The following WWTR1 variants were observed in gnomAD, a reference collection of about 807,000 sequenced individuals.
WWTR1 encodes WW domain containing transcription regulator 1.
WWTR1 carries 13 observed loss-of-function variants against 40.1 expected under a neutral mutation model. That is an observed-to-expected ratio of 0.32 (90% confidence interval 0.21 to 0.52). WWTR1 has a LOEUF of 0.52. Among genes scored for constraint, WWTR1 ranks in the 20% least tolerant of loss-of-function variants. The pLI, the probability that WWTR1 is intolerant of heterozygous loss-of-function variation, is 0.97. For synonymous variants in WWTR1, 230 were observed against 210.1 expected (o/e 1.09, Z -0.82); for missense variants, 436 against 523.1 (o/e 0.83, Z 1.63).
At position 149,527,841 on chromosome 3, in the gene WWTR1, G is replaced by A; in HGVS notation, c.900C>T (p.Leu300=). Residue 300 remains leucine (L), a synonymous_variant, in exon 5 of 7, where the codon CTC becomes CTT. Transcript: ENST00000360632. ...SITNNSSDPF[L]NGGPYHSREQ... is the part of the protein sequence containing the mutation. ...GCCCCCAAATATTAACTTACCCATT[G>A]AGGAAAGGATCTGAGCTATTATTAG... The A allele has an allele frequency of 6.2e-7, 1 of 1,614,028 alleles. No individual in the cohort carries two copies. The highest frequency in any genetic ancestry group is 8.5e-7 in the Non-Finnish European group (1 of 1,180,012).
intron 2 of WWTR1, among the ~76,000 whole-genome samples, chr3:149,615,130 G>A (rs530957826): frequency 5.3e-4 from 80 of 152,314 alleles, no homozygotes; most frequent in African/African-American, 1.6e-3. Context: ...CCAGCATGTG[G>A]CATGCTCCTT....
chr3:149,569,114 C>T (rs559940425), intron 3 of WWTR1, among the ~76,000 whole-genome samples: 180 of 152,242 alleles, frequency 1.2e-3, no homozygotes, highest in Non-Finnish European at 2.0e-3. Flanking sequence ...GAAGTTTCTC[C>T]TGGGAGAGGT....
chr3:149,563,726 C>A (rs889263346), intron 3 of WWTR1, among the ~76,000 whole-genome samples: 1 of 152,066 alleles, frequency 6.6e-6, no homozygotes, highest in African/African-American at 2.4e-5. Context: ...ACTGTGCTAA[C>A]GTACACAATT....
At chr3:149,615,903 C>T (rs1739948738) in intron 2 of WWTR1, among the ~76,000 whole-genome samples, 1 of 152,164 alleles carries the variant, frequency 6.6e-6, no homozygotes, top group Non-Finnish European at 1.5e-5. Context: ...TATTTTAGTG[C>T]ATCCTGTTTT....
chr3:149,599,210 G>T (rs1739135880), intron 2 of WWTR1, among the ~76,000 whole-genome samples: 1 of 152,196 alleles, frequency 6.6e-6, no homozygotes, highest in African/African-American at 2.4e-5. Flanking sequence ...AGGTTAATGG[G>T]CTGGGGAAAG....
chr3:149,578,989 G>A (rs190779336), intron 2 of WWTR1, among the ~76,000 whole-genome samples: 78 of 152,266 alleles, frequency 5.1e-4, no homozygotes, highest in African/African-American at 1.8e-3. Flanking sequence ...GAAGGAAGCC[G>A]TATAACAAGG....
chr3:149,517,687 T>C lies in WWTR1; in HGVS notation c.*3118A>G, dbSNP rs1734849001. 6.6e-6 allele frequency: 1 copy of C among 152,202 alleles called. No individual in the cohort carries two copies. Among genetic ancestry groups the C allele is most frequent in the Non-Finnish European group, 1.5e-5 (1 of 68,028 alleles). 9.4% of individuals were successfully genotyped at this position (152,202 alleles called of 1,614,324 possible). A position where few individuals can be genotyped will look rare whatever the true frequency, so the allele number is the denominator to read the frequency against. On this transcript the variant is annotated 3_prime_UTR_variant, in exon 7 of 7. Coordinates refer to ENST00000360632, the MANE Select transcript of WWTR1 (RefSeq NM_015472.6). ...TTTTCACTGTTTTACCTGTTTCCTG[T>C]ATATGGTGTAATCAGTGAAAGAAAT...
chr3:149,551,045 C>T (rs1312274445), intron 3 of WWTR1, among the ~76,000 whole-genome samples: 1 of 144,530 alleles, frequency 6.9e-6, no homozygotes, highest in Non-Finnish European at 1.5e-5. Context: ...AGGCAGTAAT[C>T]CCAGCACTTT....
intron 6 of WWTR1, among the ~76,000 whole-genome samples, chr3:149,522,732 ATC>A (rs558928851): frequency 6.6e-6 from 1 of 152,072 alleles, no homozygotes; most frequent in East Asian, 1.9e-4. Flanking sequence ...GCCAAGCAAA[ATC>A]TCTGTTTTAA....
intron 2 of WWTR1, among the ~76,000 whole-genome samples, chr3:149,591,863 T>A (rs913850240): frequency 1.3e-5 from 2 of 151,978 alleles, no homozygotes; most frequent in African/African-American, 4.8e-5. Flanking sequence ...TGTTATCATA[T>A]GTTGCCAAAT....
chr3:149,672,720 A>G (rs912531466), intron 1 of WWTR1, among the ~76,000 whole-genome samples: 7 of 151,842 alleles, frequency 4.6e-5, no homozygotes, highest in African/African-American at 1.4e-4. Context: ...AAATGTTTAT[A>G]TAAAAAATCT....
intron 1 of WWTR1, among the ~76,000 whole-genome samples, chr3:149,691,973 G>A (rs1304483609): frequency 1.3e-5 from 2 of 151,844 alleles, no homozygotes; most frequent in Non-Finnish European, 2.9e-5. Context: ...CCGAGATCAC[G>A]CCACTGCACT....
At chr3:149,707,924 G>C (rs777307065), upstream of WWTR1, among the ~76,000 whole-genome samples, 1 of 150,676 alleles carries the variant, frequency 6.6e-6, no homozygotes, top group Non-Finnish European at 1.5e-5. Context: ...ATGGCCAACA[G>C]TATGGTATGG....
chr3:149,575,570 G>A (rs944833726), intron 2 of WWTR1, among the ~76,000 whole-genome samples: 3 of 152,188 alleles, frequency 2.0e-5, no homozygotes, highest in Admixed American at 1.3e-4. Flanking sequence ...CCGGTGAGAT[G>A]TGGAAATATA....
intron 2 of WWTR1, among the ~76,000 whole-genome samples, chr3:149,653,374 G>T (rs59513967): frequency 6.6e-6 from 1 of 152,204 alleles, no homozygotes; most frequent in Admixed American, 6.5e-5. Context: ...AATAATGAAT[G>T]AACACAGTGG....
At chr3:149,707,426 A>T (rs927553115), upstream of WWTR1, among the ~76,000 whole-genome samples, 3 of 152,184 alleles carry the variant, frequency 2.0e-5, no homozygotes, top group Admixed American at 6.5e-5. Context: ...CAACTATCTA[A>T]CCAGTTTCTC....
chr3:149,573,058 AC>A, intron 2 of WWTR1, 58 bp from the exon 3 acceptor site: 1 of 1,489,220 alleles, frequency 6.7e-7, no homozygotes, highest in East Asian at 2.3e-5. Flanking sequence ...TATCATCATC[AC>A]CAACAACAGC....
chr3:149,690,046 G>A (rs1576642066), intron 1 of WWTR1, among the ~76,000 whole-genome samples: 1 of 152,206 alleles, frequency 6.6e-6, no homozygotes, highest in Non-Finnish European at 1.5e-5. Flanking sequence ...TGCAATCAGA[G>A]TTAAGTTACC....
intron 3 of WWTR1, among the ~76,000 whole-genome samples, chr3:149,547,138 G>A (rs1351289707): frequency 6.6e-6 from 1 of 151,408 alleles, no homozygotes; most frequent in Non-Finnish European, 1.5e-5. Context: ...CAGAGCATGG[G>A]AAGGCAAAAC....
Sources: allele counts gnomAD v4.1 joint callset (sites outside exome capture counted in the v4.1 genomes callset), GRCh38; gene constraint gnomAD v4.1.1; transcripts MANE v1.5; gene names NCBI Gene and HGNC (gene_info 2026-07-23, HGNC 2026-07-21).